The following FXR1 variants were observed in gnomAD, a reference collection of about 807,000 sequenced individuals.
FXR1 encodes the protein RNA-binding protein FXR1.
In FXR1, 15 loss-of-function variants were observed where a neutral mutation model predicts 84.0. That is an observed-to-expected ratio of 0.18 (90% CI 0.12 to 0.27). The LOEUF (loss-of-function observed/expected upper bound fraction) is 0.27. Among genes scored for constraint, FXR1 ranks in the 10% least tolerant of loss-of-function variants. The pLI is 1.00. For synonymous variants in FXR1, 245 were observed against 250.7 expected (o/e 0.98, Z 0.21); for missense variants, 480 against 774.4 (o/e 0.62, Z 4.51).
intron 1 of FXR1, among the ~76,000 whole-genome samples, chr3:180,929,374 C>T (rs1411031705): frequency 6.6e-6 from 1 of 152,042 alleles, no homozygotes; most frequent in Non-Finnish European, 1.5e-5. Flanking sequence ...TAATGATTAT[C>T]TTAAATTATA....
intron 10 of FXR1, among the ~76,000 whole-genome samples, chr3:180,958,181 T>C (rs1056089590): frequency 1.3e-5 from 2 of 152,182 alleles, no homozygotes; most frequent in Non-Finnish European, 2.9e-5. Context: ...TTGATAATCT[T>C]AACAGTTATT....
At chr3:180,938,652 G>A (rs1452040771) in intron 3 of FXR1, among the ~76,000 whole-genome samples, 1 of 151,996 alleles carries the variant, frequency 6.6e-6, no homozygotes, top group Admixed American at 6.6e-5. Flanking sequence ...GGGTTCAAGC[G>A]ATTCTCCTGC....
intron 15 of FXR1, 136 bp from the exon 16 acceptor site, chr3:180,975,177 G>A: frequency 2.3e-6 from 1 of 428,044 alleles, no homozygotes; most frequent in Non-Finnish European, 4.3e-6. Context: ...TTTTTGGTTG[G>A]AGGTGATACC....
intron 6 of FXR1, 107 bp from the exon 7 acceptor site, chr3:180,949,120 G>A (rs1434133815): frequency 8.0e-6 from 6 of 750,930 alleles, no homozygotes; most frequent in Admixed American, 5.3e-5. Context: ...GGTGAAAGAA[G>A]TGTAGTAGAT....
chr3:180,940,595 T>TTTTTTTTG, intron 3 of FXR1, among the ~76,000 whole-genome samples: 1 of 152,064 alleles, frequency 6.6e-6, no homozygotes, highest in Non-Finnish European at 1.5e-5. Context: ...CTTTTTTTTT[T>TTTTTTTTG]GGAGATGGAG....
At position 180,970,383 on chromosome 3, in the gene FXR1, AATATATATATAT is replaced by A. The variant is rs56345724; in HGVS notation, c.1603+53_1603+64del. On this transcript the variant is annotated intron_variant, in intron 15 of 16. Coordinates refer to ENST00000357559, the MANE Select transcript of FXR1 (RefSeq NM_005087.4). ...GGTATGTAAGCACTTAGGGAAGAGA[AATATATATATAT>A]ATATATATATATATATATATATATA... 8.9e-4 allele frequency: 328 copies of A among 368,182 alleles called. 2 individuals carry two copies. The highest frequency in any genetic ancestry group is 1.4e-3 in the East Asian group (20 of 14,272). 22.8% of individuals were successfully genotyped at this position (368,182 alleles called of 1,614,324 possible).
chr3:180,954,658 TGTA>T (rs924336532), intron 9 of FXR1, among the ~76,000 whole-genome samples: 1 of 152,144 alleles, frequency 6.6e-6, no homozygotes, highest in Non-Finnish European at 1.5e-5. Flanking sequence ...GATAATGTAG[TGTA>T]GTTTTACTAG....
intron 3 of FXR1, among the ~76,000 whole-genome samples, chr3:180,937,424 C>G (rs768552048): frequency 4.6e-5 from 7 of 152,076 alleles, no homozygotes; most frequent in Non-Finnish European, 8.8e-5. Flanking sequence ...TGTTCCTGAA[C>G]AGTCTGGCTC....
rs1380492839 is a variant in FXR1, at chr3:180,979,550, TA to T, written c.*3259del. On this transcript the variant is annotated 3_prime_UTR_variant, in exon 17 of 17. Transcript: ENST00000357559. Reference sequence around the variant, plus strand: ...TGCTATAGTGAATTTGCTAGCCCCTTATTTTTTTTTTTAATTTTAGTTCTTT... The same window carrying T: ...TGCTATAGTGAATTTGCTAGCCCCTTTTTTTTTTTTTAATTTTAGTTCTTT... 2.6e-5 allele frequency: 4 copies of T among 151,990 alleles called. No homozygotes were observed. The highest frequency in any genetic ancestry group is 2.0e-4 in the Admixed American group (3 of 15,234). 9.4% of individuals were successfully genotyped at this position (151,990 alleles called of 1,614,324 possible). A position where few individuals can be genotyped will look rare whatever the true frequency, so the allele number is the denominator to read the frequency against.
intron 1 of FXR1, among the ~76,000 whole-genome samples, chr3:180,932,080 A>AAAAAAAAG (rs1553842570): frequency 6.8e-6 from 1 of 147,526 alleles, no homozygotes; most frequent in African/African-American, 2.6e-5. Context: ...AGTTTCAAAA[A>AAAAAAAAG]AAAAAAAAAA....
chr3:180,949,820 T>G (rs1722042931), intron 7 of FXR1, among the ~76,000 whole-genome samples: 3 of 152,242 alleles, frequency 2.0e-5, no homozygotes, highest in Admixed American at 2.0e-4. Flanking sequence ...TAGCCTTTCC[T>G]TTGCGAAATG....
intron 14 of FXR1, among the ~76,000 whole-genome samples, chr3:180,969,870 A>G (rs1370407815): frequency 6.6e-6 from 1 of 152,182 alleles, no homozygotes; most frequent in Non-Finnish European, 1.5e-5. Flanking sequence ...CATTTAATAC[A>G]CTATTTTCTA....
intron 1 of FXR1, 55 bp downstream of exon 1, chr3:180,912,791 G>A (rs1310917196): frequency 6.2e-7 from 1 of 1,613,662 alleles, no homozygotes; most frequent in African/African-American, 1.3e-5. Flanking sequence ...GCGCGTTTGA[G>A]GGAGGGTTGG....
intron 10 of FXR1, 104 bp downstream of exon 10, chr3:180,958,032 T>C: frequency 2.1e-6 from 1 of 472,984 alleles, no homozygotes; most frequent in Non-Finnish European, 3.8e-6. Flanking sequence ...AGGGTTTTTC[T>C]TCTTTTTAAA....
At chr3:180,932,281 T>G (rs1013300713) in intron 1 of FXR1, among the ~76,000 whole-genome samples, 2 of 152,130 alleles carry the variant, frequency 1.3e-5, no homozygotes, top group African/African-American at 4.8e-5. Flanking sequence ...CCTTGGACAT[T>G]ATGGAGTCTA....
chr3:180,936,728 A>T (rs929061689), intron 3 of FXR1, among the ~76,000 whole-genome samples: 6 of 152,374 alleles, frequency 3.9e-5, no homozygotes, highest in African/African-American at 1.4e-4. Context: ...TGCTTTACTC[A>T]TTCATGAGGG....
chr3:180,952,023 G>A (rs2108470152), intron 8 of FXR1, among the ~76,000 whole-genome samples: 1 of 152,250 alleles, frequency 6.6e-6, no homozygotes, highest in Non-Finnish European at 1.5e-5. Context: ...GCAACATAGA[G>A]TTTAGAAAAG....
At position 180,982,725 on chromosome 3, in the gene FXR1, G is replaced by A. The variant is rs1714670870; in HGVS notation, c.*6433G>A. On this transcript the variant is annotated 3_prime_UTR_variant, in exon 17 of 17. Coordinates refer to ENST00000357559, the MANE Select transcript of FXR1 (RefSeq NM_005087.4). ...GAAACATTTTTTGATTTGTCCAATG[G>A]ACTGAAATAAAAGGTTAGTAAACCA... The A allele has an allele frequency of 6.6e-6, 1 of 152,036 alleles. No individual in the cohort carries two copies. The allele number at this position is 152,036 out of a possible 1,614,324, so 9.4% of individuals were successfully genotyped here.
Position 180,980,492 on chromosome 3 carries a change from T to C in FXR1, c.*4200T>C, listed in dbSNP as rs1714558660. 6.6e-6 allele frequency: 1 copy of C among 152,010 alleles called. No individual in the cohort carries two copies. Among genetic ancestry groups the C allele is most frequent in the South Asian group, 2.1e-4 (1 of 4,834 alleles). 9.4% of individuals were successfully genotyped at this position (152,010 alleles called of 1,614,324 possible). A position where few individuals can be genotyped will look rare whatever the true frequency, so the allele number is the denominator to read the frequency against. On this transcript the variant is annotated 3_prime_UTR_variant, in exon 17 of 17. Transcript: ENST00000357559. The stretch of plus-strand genomic sequence containing the variant: ...TTAGAGACCATTTTCATTAAAAATA[T>C]TTTCCAATAGTTTTTCTAGATAAAC...
Sources: gnomAD v4.1 joint callset for allele counts (sites outside exome capture counted in the v4.1 genomes callset) on GRCh38, gnomAD v4.1.1 for gene constraint, MANE v1.5 for transcripts, NCBI Gene and HGNC (gene_info 2026-07-23, HGNC 2026-07-21) for gene names.